EMP1: variants seen among roughly 807,000 people sequenced by gnomAD.
The protein encoded by EMP1 is epithelial membrane protein 1, also known as tumor-associated membrane protein.
Under a neutral mutation model 15.7 loss-of-function variants are expected in EMP1, and 5 were observed. The observed-to-expected ratio is 0.32, with a 90% CI of 0.17 to 0.67. The LOEUF (loss-of-function observed/expected upper bound fraction) is 0.67. Among genes scored for constraint, EMP1 ranks in the 30% least tolerant of loss-of-function variants. The pLI, the probability that EMP1 is intolerant of heterozygous loss-of-function variation, is 0.74. For synonymous variants in EMP1, 78 were observed against 76.7 expected (o/e 1.02, Z -0.09); for missense variants, 166 against 194.2 (o/e 0.85, Z 0.86).
At chr12:13,208,014 G>A (rs987369266) in intron 1 of EMP1, among the ~76,000 whole-genome samples, 3 of 152,148 alleles carry the variant, frequency 2.0e-5, no homozygotes, top group Non-Finnish European at 4.4e-5. Flanking sequence ...CTTGGTTTGC[G>A]CTGCCTCACT....
intron 1 of EMP1, among the ~76,000 whole-genome samples, chr12:13,201,242 A>G (rs375161714): frequency 1.2e-4 from 19 of 152,116 alleles, no homozygotes; most frequent in Non-Finnish European, 1.9e-4. Flanking sequence ...CCCTGTCTCT[A>G]AAAGAAGAAT....
rs1235917490 is a variant in EMP1, at chr12:13,219,699, G to GGACTTTAT, written c.*5011_*5018dup. 1.3e-5 allele frequency: 2 copies of GGACTTTAT among 152,144 alleles called. No individual in the cohort carries two copies. The highest frequency in any genetic ancestry group is 2.9e-5 in the Non-Finnish European group (2 of 68,034). The allele number at this position is 152,144 out of a possible 1,614,324, so 9.4% of individuals were successfully genotyped here. ...TGACTGTCTACACTTGGCACATGAG[G>GGACTTTAT]GACTTTATGATATTAAGAGATTAAT... On this transcript the variant is annotated 3_prime_UTR_variant, in exon 5 of 5. Transcript: ENST00000256951.
chr12:13,217,297 A>G lies in EMP1; in HGVS notation c.*2606A>G, dbSNP rs1419257740. On this transcript the variant is annotated 3_prime_UTR_variant, in exon 5 of 5. Coordinates refer to ENST00000256951, the MANE Select transcript of EMP1 (RefSeq NM_001423.3). ...TGTGAGCAATAAGGACTGGATAAAG[A>G]CTGCATATCCTTGTGTCGTGTCAGC... 6.6e-6 allele frequency: 1 copy of G among 152,144 alleles called. No individual in the cohort carries two copies. Among genetic ancestry groups the G allele is most frequent in the Non-Finnish European group, 1.5e-5 (1 of 68,020 alleles). 9.4% of individuals were successfully genotyped at this position (152,144 alleles called of 1,614,324 possible).
At position 13,216,296 on chromosome 12, in the gene EMP1, G is replaced by T; in HGVS notation, c.*1605G>T. The T allele has an allele frequency of 2.9e-6, 2 of 683,094 alleles. No individual in the cohort carries two copies. Among genetic ancestry groups the T allele is most frequent in the Admixed American group, 4.3e-5 (2 of 46,794 alleles). The allele number at this position is 683,094 out of a possible 1,614,324, so 42.3% of individuals were successfully genotyped here. A position where few individuals can be genotyped will look rare whatever the true frequency, so the allele number is the denominator to read the frequency against. ...TTATACCTTTCCTTTTTGGGGAGTT[G>T]TTATGCCATGATTTTTGGTATTTAT... On this transcript the variant is annotated 3_prime_UTR_variant, in exon 5 of 5. Transcript: ENST00000256951.
chr12:13,214,135 A>G (rs1272721002), intron 4 of EMP1: 3 of 609,246 alleles, frequency 4.9e-6, no homozygotes, highest in Non-Finnish European at 8.8e-6. Flanking sequence ...AACCACTGCC[A>G]CAATGCACAT....
Position 13,213,711 on chromosome 12 carries a change from T to TTC in EMP1, c.212_213dup (p.Ile72LeufsTer84). ...CTCAAGACAGTGCAGGCCTTCATGATTCTCTCTATCATCTTCTGTGTCATT... is the reference window on the plus strand; with the variant it reads ...CTCAAGACAGTGCAGGCCTTCATGATTCTCTCTCTATCATCTTCTGTGTCATT... On this transcript the variant is annotated frameshift_variant, in exon 4 of 5. Transcript: ENST00000256951. LOFTEE classifies it high-confidence loss of function. The TTC allele has an allele frequency of 1.2e-6, 2 of 1,614,222 alleles. No homozygotes were observed. Among genetic ancestry groups the TTC allele is most frequent in the Non-Finnish European group, 1.7e-6 (2 of 1,180,030 alleles).
Position 13,215,610 on chromosome 12 carries a change from T to G in EMP1, c.*919T>G, listed in dbSNP as rs1201058499. The G allele has an allele frequency of 6.6e-6, 1 of 152,258 alleles. No individual in the cohort carries two copies. The highest frequency in any genetic ancestry group is 2.4e-5 in the African/African-American group (1 of 41,466). The allele number at this position is 152,258 out of a possible 1,614,324, so 9.4% of individuals were successfully genotyped here. A position where few individuals can be genotyped will look rare whatever the true frequency, so the allele number is the denominator to read the frequency against. ...TTTTAAGTATACAACAGGAGAGAGA[T>G]GGACATGGCTCATTGTAGCACAATC... On this transcript the variant is annotated 3_prime_UTR_variant, in exon 5 of 5. Transcript: ENST00000256951.
rs1045846756 is a variant in EMP1, at chr12:13,218,955, A to G, written c.*4264A>G. The stretch of plus-strand genomic sequence containing the variant: ...ATTTTCAGTTCTTCAGCTTTTCCTC[A>G]TGACCCTATCTCATGCCATGAGCAA... On this transcript the variant is annotated 3_prime_UTR_variant, in exon 5 of 5. Transcript: ENST00000256951. 2 of 152,208 alleles carry G rather than the reference A, an allele frequency of 1.3e-5. No homozygotes were observed. Among genetic ancestry groups the G allele is most frequent in the African/African-American group, 4.8e-5 (2 of 41,440 alleles). The allele number at this position is 152,208 out of a possible 1,614,324, so 9.4% of individuals were successfully genotyped here.
Position 13,209,995 on chromosome 12 carries a change from C to T in EMP1, c.-42-1474C>T, listed in dbSNP as rs566280394. Among the ~76,000 whole-genome samples, 16 of 152,252 alleles carry T rather than the reference C, an allele frequency of 1.1e-4. 1 individual carries two copies. In the South Asian group the frequency reaches 1.5e-3, roughly 14 times the overall value. Reference sequence around the variant, plus strand: ...CAGATTGGGAAGGGGCTGTTGGAGACGGTCAGGGAGAATGGTGGAAGCCAT... The same window carrying T: ...CAGATTGGGAAGGGGCTGTTGGAGATGGTCAGGGAGAATGGTGGAAGCCAT... On this transcript the variant is annotated intron_variant, in intron 1 of 4. Transcript: ENST00000256951.
intron 1 of EMP1, among the ~76,000 whole-genome samples, chr12:13,207,725 G>A (rs1266756043): frequency 6.6e-6 from 1 of 152,166 alleles, no homozygotes; most frequent in Non-Finnish European, 1.5e-5. Context: ...TGTATGTTAG[G>A]TAGATGAGGC....
Position 13,219,097 on chromosome 12 carries a change from G to A in EMP1, c.*4406G>A, listed in dbSNP as rs1864238040. The A allele has an allele frequency of 1.3e-5, 2 of 152,236 alleles. No individual in the cohort carries two copies. Among genetic ancestry groups the A allele is most frequent in the Admixed American group, 6.5e-5 (1 of 15,284 alleles). The allele number at this position is 152,236 out of a possible 1,614,324, so 9.4% of individuals were successfully genotyped here. A position where few individuals can be genotyped will look rare whatever the true frequency, so the allele number is the denominator to read the frequency against. On this transcript the variant is annotated 3_prime_UTR_variant, in exon 5 of 5. Transcript: ENST00000256951. ...CTCCTTGTCTTCCATCTGGGGAACT[G>A]GAGGTGAGAAGCATTATAATAGCCT...
At chr12:13,209,144 CAGGAACAAGAA>C (rs1864140832) in intron 1 of EMP1, 1 of 152,272 alleles carries the variant, frequency 6.6e-6, no homozygotes, top group Non-Finnish European at 1.5e-5. Flanking sequence ...TTAGAAGCAA[CAGGAACAAGAA>C]AGTCATTTGA....
rs984997459 is a variant in EMP1, at chr12:13,218,110, G to A, written c.*3419G>A. The A allele has an allele frequency of 2.0e-5, 3 of 152,186 alleles. No individual in the cohort carries two copies. The highest frequency in any genetic ancestry group is 2.0e-4 in the Admixed American group (3 of 15,282). 9.4% of individuals were successfully genotyped at this position (152,186 alleles called of 1,614,324 possible). On this transcript the variant is annotated 3_prime_UTR_variant, in exon 5 of 5. Coordinates refer to ENST00000256951, the MANE Select transcript of EMP1 (RefSeq NM_001423.3). ...GAACTCTCCATGACCACTCAAGAATGGGACCCAAAGGCAAATGATAACTTA... is the reference window on the plus strand; with the variant it reads ...GAACTCTCCATGACCACTCAAGAATAGGACCCAAAGGCAAATGATAACTTA...
chr12:13,214,733 A>G lies in EMP1; in HGVS notation c.*42A>G. 1 of 1,477,076 alleles carries G rather than the reference A, an allele frequency of 6.8e-7. No individual in the cohort carries two copies. The highest frequency in any genetic ancestry group is 9.1e-7 in the Non-Finnish European group (1 of 1,100,010). The allele number at this position is 1,477,076 out of a possible 1,614,324, so 91.5% of individuals were successfully genotyped here. A position where few individuals can be genotyped will look rare whatever the true frequency, so the allele number is the denominator to read the frequency against. The stretch of plus-strand genomic sequence containing the variant: ...GGGGATCTGGGGGGTGGGGAGGAGG[A>G]AGCCGTTGAATCTGGGAGGGAAGTG... On this transcript the variant is annotated 3_prime_UTR_variant, in exon 5 of 5. Coordinates refer to ENST00000256951, the MANE Select transcript of EMP1 (RefSeq NM_001423.3).
chr12:13,213,556 C>G lies in EMP1; in HGVS notation c.156C>G (p.Ser52Arg). 6.2e-7 allele frequency: 1 copy of G among 1,614,174 alleles called. No individual in the cohort carries two copies. The highest frequency in any genetic ancestry group is 8.5e-7 in the Non-Finnish European group (1 of 1,180,034). ...KNCTNISCSD[S>R]LSYASEDALK... is the part of the protein sequence containing the mutation. The stretch of plus-strand genomic sequence containing the variant: ...GTACCAACATTAGCTGCAGTGACAG[C>G]CTGTCATATGCCAGTGAAGGTATAT... The change falls in exon 3 of 5, where the codon AGC (serine) becomes AGG (arginine). Residue 52 changes from serine to arginine, a missense_variant. By Grantham distance (110) the Ser-to-Arg change is moderately radical (BLOSUM62 -1). Coordinates refer to ENST00000256951, the MANE Select transcript of EMP1 (RefSeq NM_001423.3).
At chr12:13,210,880 G>A (rs926680498) in intron 1 of EMP1, among the ~76,000 whole-genome samples, 2 of 152,214 alleles carry the variant, frequency 1.3e-5, no homozygotes, top group Admixed American at 6.5e-5. Flanking sequence ...AAACCAAACA[G>A]CATTATAATA....
At chr12:13,205,764 A>G (rs1295458201) in intron 1 of EMP1, among the ~76,000 whole-genome samples, 2 of 152,340 alleles carry the variant, frequency 1.3e-5, no homozygotes, top group African/African-American at 4.8e-5. Flanking sequence ...CTCCTAACCT[A>G]TGGATCTGGG....
rs1425308477 is a variant in EMP1, at chr12:13,217,951, C to G, written c.*3260C>G. 1 of 152,030 alleles carries G rather than the reference C, an allele frequency of 6.6e-6. No individual in the cohort carries two copies. The highest frequency in any genetic ancestry group is 2.1e-4 in the South Asian group (1 of 4,824). The allele number at this position is 152,030 out of a possible 1,614,324, so 9.4% of individuals were successfully genotyped here. ...TGCGGGTCTGAAAGTTGCCAGAGTC[C>G]CTTTTATAGAGAAGCTTAAAAAATA... is the stretch of plus-strand genomic sequence containing the variant. On this transcript the variant is annotated 3_prime_UTR_variant, in exon 5 of 5. Transcript: ENST00000256951.
At position 13,219,167 on chromosome 12, in the gene EMP1, T is replaced by G. The variant is rs2121170318; in HGVS notation, c.*4476T>G. Reference sequence around the variant, plus strand: ...CTCTCCAACCTGTGCTTTATGCTGATGTCAGGATGGGCGTTGATGGATGCT... The same window carrying G: ...CTCTCCAACCTGTGCTTTATGCTGAGGTCAGGATGGGCGTTGATGGATGCT... On this transcript the variant is annotated 3_prime_UTR_variant, in exon 5 of 5. Coordinates refer to ENST00000256951, the MANE Select transcript of EMP1 (RefSeq NM_001423.3). 1 of 152,382 alleles carries G rather than the reference T, an allele frequency of 6.6e-6. No homozygotes were observed. The highest frequency in any genetic ancestry group is 2.1e-4 in the South Asian group (1 of 4,822). The allele number at this position is 152,382 out of a possible 1,614,324, so 9.4% of individuals were successfully genotyped here.
Sources: allele counts gnomAD v4.1 joint callset (sites outside exome capture counted in the v4.1 genomes callset), GRCh38; gene constraint gnomAD v4.1.1; transcripts MANE v1.5; gene names NCBI Gene and HGNC (gene_info 2026-07-23, HGNC 2026-07-21).